Variants in CCDC33 observed in about 807,000 individuals in gnomAD.
CCDC33 encodes coiled-coil domain-containing protein 33.
A neutral mutation model predicts 91.9 loss-of-function variants in CCDC33; 94 were observed. The observed-to-expected ratio is 1.02, with a 90% confidence interval of 0.87 to 1.21. The LOEUF (loss-of-function observed/expected upper bound fraction) is 1.21, where lower values mean the gene tolerates loss of function less well. CCDC33 is among the 50% of genes most tolerant of loss of function. The pLI is 0.00. For missense variants in CCDC33, 940 were observed against 935.5 expected (o/e 1.00, Z -0.06); for synonymous variants, 396 against 374.5 (o/e 1.06, Z -0.66).
chr15:74,334,474 C>G (rs2060518384), intron 17 of CCDC33, among the ~76,000 whole-genome samples: 1 of 144,604 alleles, frequency 6.9e-6, no homozygotes, highest in Non-Finnish European at 1.5e-5. Flanking sequence ...CAGTGTGCGA[C>G]CAGGGTTAGG....
At chr15:74,327,738 G>T (rs931274) in intron 11 of CCDC33, among the ~76,000 whole-genome samples, 3,753 of 152,308 alleles carry the variant, frequency 0.025, 146 homozygotes, top group African/African-American at 0.085. Context: ...AGAAGAGGGG[G>T]TGATCAGACC....
In CCDC33 at chr15:74,328,810, G is replaced by A. The variant is rs114895046; in HGVS notation, c.1291-1379G>A. The stretch of plus-strand genomic sequence containing the variant: ...TCCGCAGTCAGCATGAGGCCCAGGT[G>A]GTTGCTGGGGGCCGAGCTCTGCTTC... On this transcript the variant is annotated intron_variant, in intron 11 of 18. Coordinates refer to ENST00000398814, the MANE Select transcript of CCDC33 (RefSeq NM_025055.5). Among the ~76,000 whole-genome samples the A allele has an allele frequency of 2.4e-3, 363 of 152,328 alleles. 1 individual carries two copies. The highest frequency in any genetic ancestry group is 8.3e-3 in the African/African-American group (343 of 41,574).
chr15:74,276,202 G>A (rs1198003406), intron 7 of CCDC33, among the ~76,000 whole-genome samples: 1 of 152,238 alleles, frequency 6.6e-6, no homozygotes, highest in African/African-American at 2.4e-5. Flanking sequence ...GCAAGGAGGG[G>A]CATGGTGGTG....
rs552622924 is a variant in CCDC33 at position 74,226,907 on chromosome 15, A to T, written c.675+8046A>T. On this transcript the variant is annotated intron_variant, in intron 2 of 2. Coordinates refer to the CCDC33 transcript ENST00000635913. Reference sequence around the variant, plus strand: ...AGGGACAAGCAAGTAGGGGGGAAACAGGAGGTGGAGAGAGCTGGTTCGTAG... The same window carrying T: ...AGGGACAAGCAAGTAGGGGGGAAACTGGAGGTGGAGAGAGCTGGTTCGTAG... Among the ~76,000 whole-genome samples the T allele has an allele frequency of 7.0e-4, 106 of 152,084 alleles. 1 individual carries two copies. Among genetic ancestry groups the T allele is most frequent in the Middle Eastern group, 6.8e-3 (2 of 292 alleles).
intron 10 of CCDC33, among the ~76,000 whole-genome samples, chr15:74,293,397 C>T (rs147653772): frequency 6.6e-6 from 1 of 152,308 alleles, no homozygotes; most frequent in Non-Finnish European, 1.5e-5. Flanking sequence ...TCATTCTCTC[C>T]TGCATTCATC....
rs905697806 is a variant in CCDC33, at chr15:74,272,652, C to T, written c.639-119C>T. The T allele has an allele frequency of 2.0e-5, 28 of 1,375,676 alleles. No homozygotes were observed. The Middle Eastern group carries it at 9.6e-4, about 47-fold the overall frequency. The allele number at this position is 1,375,676 out of a possible 1,614,324, so 85.2% of individuals were successfully genotyped here. Reference sequence around the variant, plus strand: ...TTGTCGTGAGGTCCAGGCCCGAACTCGGCGGGATCCCTGCAACTCCCTTCT... The same window carrying T: ...TTGTCGTGAGGTCCAGGCCCGAACTTGGCGGGATCCCTGCAACTCCCTTCT... On this transcript the variant is annotated intron_variant, in intron 6 of 18. Coordinates refer to ENST00000398814, the MANE Select transcript of CCDC33 (RefSeq NM_025055.5).
At chr15:74,204,717 G>A (rs2074219105) in intron 1 of CCDC33, among the ~76,000 whole-genome samples, 1 of 152,184 alleles carries the variant, frequency 6.6e-6, no homozygotes, top group African/African-American at 2.4e-5. Context: ...TGGATCACCT[G>A]AGGTCAGGAG....
intron 11 of CCDC33, 57 bp from the exon 12 acceptor site, chr15:74,330,132 G>A: frequency 2.0e-6 from 3 of 1,515,826 alleles, no homozygotes; most frequent in Non-Finnish European, 2.7e-6. Flanking sequence ...AGATGTGGAT[G>A]TGGGACCAGG....
chr15:74,307,662 G>A (rs4887132), intron 11 of CCDC33, among the ~76,000 whole-genome samples: 73,453 of 151,754 alleles, frequency 0.48, 20,673 homozygotes, highest in Non-Finnish European at 0.63. Context: ...TGTGGCCTCA[G>A]GCCACCCCCT....
At chr15:74,280,845 GC>G (rs2059347142) in intron 9 of CCDC33, 44 bp downstream of exon 9, 11 of 1,401,850 alleles carry the variant, frequency 7.8e-6, no homozygotes, top group Non-Finnish European at 9.3e-6. Flanking sequence ...TGCCCACCTG[GC>G]CCCACCCTGC....
intron 10 of CCDC33, among the ~76,000 whole-genome samples, chr15:74,293,025 G>C (rs1427508477): frequency 6.6e-6 from 1 of 152,146 alleles, no homozygotes; most frequent in African/African-American, 2.4e-5. Flanking sequence ...TGAGTGCCCA[G>C]CTCTGACCAG....
intron 2 of CCDC33, among the ~76,000 whole-genome samples, chr15:74,250,761 C>G (rs1047316328): frequency 1.3e-5 from 2 of 152,172 alleles, no homozygotes; most frequent in Non-Finnish European, 2.9e-5. Flanking sequence ...ACTAAATAAT[C>G]GTCGAATGAA....
At chr15:74,266,250 A>C (rs2076163117) in intron 3 of CCDC33, among the ~76,000 whole-genome samples, 1 of 152,152 alleles carries the variant, frequency 6.6e-6, no homozygotes, top group Non-Finnish European at 1.5e-5. Context: ...ATCTCTCCCC[A>C]TCCTGCCTCA....
At chr15:74,283,134 A>G (rs2930297) in intron 10 of CCDC33, among the ~76,000 whole-genome samples, 92,450 of 152,108 alleles carry the variant, frequency 0.61, 33,372 homozygotes, top group Non-Finnish European at 0.82. Context: ...CTGAGACCCC[A>G]TTAGCACTCC....
intron 10 of CCDC33, among the ~76,000 whole-genome samples, chr15:74,290,270 T>C (rs1161362739): frequency 2.0e-5 from 3 of 151,670 alleles, no homozygotes; most frequent in African/African-American, 7.3e-5. Flanking sequence ...CTCCGCCTCC[T>C]GGGTTCAAAC....
At chr15:74,259,430 A>G (rs1193158497) in intron 2 of CCDC33, among the ~76,000 whole-genome samples, 2 of 151,964 alleles carry the variant, frequency 1.3e-5, no homozygotes, top group Non-Finnish European at 2.9e-5. Flanking sequence ...CTTGCTCTCC[A>G]GATTCTAGAA....
intron 1 of CCDC33, among the ~76,000 whole-genome samples, chr15:74,203,684 G>C (rs922639847): frequency 5.3e-5 from 8 of 152,238 alleles, no homozygotes; most frequent in African/African-American, 1.9e-4. Context: ...TGAGGCAGGA[G>C]AGATGACAGT....
chr15:74,207,815 A>T, intron 1 of CCDC33: 27 of 1,535,178 alleles, frequency 1.8e-5, no homozygotes, highest in Non-Finnish European at 2.4e-5. Flanking sequence ...CACACATCCA[A>T]CTGCCCTTCG....
chr15:74,242,445 C>G (rs2075379106), intron 1 of CCDC33, among the ~76,000 whole-genome samples: 1 of 152,242 alleles, frequency 6.6e-6, no homozygotes, highest in African/African-American at 2.4e-5. Flanking sequence ...ACATTGTTCT[C>G]AACCCCACCC....
Sources: gnomAD v4.1 joint callset for allele counts (sites outside exome capture counted in the v4.1 genomes callset) on GRCh38, gnomAD v4.1.1 for gene constraint, MANE v1.5 for transcripts, NCBI Gene and HGNC (gene_info 2026-07-23, HGNC 2026-07-21) for gene names.